The following SORL1 variants were observed in gnomAD, a reference collection of about 807,000 sequenced individuals.
SORL1 encodes sortilin related receptor 1.
Under a neutral mutation model 273.7 loss-of-function variants are expected in SORL1, and 127 were observed. That is an observed-to-expected ratio of 0.46 (90% CI 0.40 to 0.54). The LOEUF is 0.54. SORL1 is among the 20% of genes least tolerant of loss of function. The pLI is 0.00. For synonymous variants in SORL1, 1,031 were observed against 1,067.4 expected, an observed-to-expected ratio of 0.97 and a Z score of 0.66; for missense variants, 2,494 against 2,846.1, an observed-to-expected ratio of 0.88 and a Z score of 2.81.
chr11:121,586,693 T>TTG (rs1446429521), intron 27 of SORL1, among the ~76,000 whole-genome samples: 4 of 97,222 alleles, frequency 4.1e-5, no homozygotes, highest in South Asian at 9.6e-4. Flanking sequence ...GGGGGTAGAG[T>TTG]GGGGGGGGGG....
chr11:121,570,125 C>A, intron 22 of SORL1, 32 bp from the exon 23 acceptor site: 1 of 1,457,686 alleles, frequency 6.9e-7, no homozygotes, highest in Non-Finnish European at 9.6e-7. Flanking sequence ...ATATTGGTTT[C>A]ATTTCCTCCC....
chr11:121,528,593 A>G (rs562240593), intron 11 of SORL1, among the ~76,000 whole-genome samples: 2 of 152,362 alleles, frequency 1.3e-5, no homozygotes, highest in South Asian at 4.1e-4. Context: ...ATTTTCATCA[A>G]TCCATAAATA....
At chr11:121,551,721 T>C (rs1002550677) in intron 16 of SORL1, among the ~76,000 whole-genome samples, 17 of 152,216 alleles carry the variant, frequency 1.1e-4, no homozygotes, top group African/African-American at 2.9e-4. Flanking sequence ...CAGCCCTCTC[T>C]TTTGCTCACT....
rs567145492 is a variant in SORL1, at chr11:121,623,358, C to G, written c.6171+1090C>G. 4.6e-5 allele frequency among the ~76,000 whole-genome samples: 7 copies of G among 152,266 alleles called. No homozygotes were observed. The South Asian group carries it at 1.2e-3, about 27-fold the overall frequency. The stretch of plus-strand genomic sequence containing the variant: ...AATTGGTTCAAACTCAAGTAAGGTT[C>G]TTGGGTAATACCTATCAAAAACGTT... On this transcript the variant is annotated intron_variant, in intron 45 of 47. Transcript: ENST00000260197.
chr11:121,585,772 T>G (rs1272516563), intron 26 of SORL1, among the ~76,000 whole-genome samples: 2 of 152,224 alleles, frequency 1.3e-5, no homozygotes, highest in Non-Finnish European at 2.9e-5. Flanking sequence ...CCTTGTTTTT[T>G]TCACAGAACT....
At chr11:121,588,510 CT>C (rs1442587035) in intron 28 of SORL1, among the ~76,000 whole-genome samples, 5 of 152,176 alleles carry the variant, frequency 3.3e-5, no homozygotes, top group Admixed American at 3.3e-4. Flanking sequence ...GCCGTAGCCC[CT>C]TACCCTGCTT....
chr11:121,525,410 T>G (rs1251544263), intron 11 of SORL1, among the ~76,000 whole-genome samples: 5 of 152,258 alleles, frequency 3.3e-5, no homozygotes, highest in Non-Finnish European at 5.9e-5. Context: ...ATAGCTGTTA[T>G]GAACATTCAT....
chr11:121,461,279 C>T lies in SORL1; in HGVS notation c.285+8663C>T, dbSNP rs924641662. On this transcript the variant is annotated intron_variant, in intron 1 of 47. Coordinates refer to ENST00000260197, the MANE Select transcript of SORL1 (RefSeq NM_003105.6). ...TGGTGATGGGTGGGCTGGAGGGGGA[C>T]GGTTACTGCAGAAACAAGGCCTTCA... Among the ~76,000 whole-genome samples the T allele has an allele frequency of 1.1e-4, 16 of 151,636 alleles. 1 individual carries two copies. Among genetic ancestry groups the T allele is most frequent in the Non-Finnish European group, 1.8e-4 (12 of 67,952 alleles).
At chr11:121,533,379 C>G (rs147942807) in intron 12 of SORL1, among the ~76,000 whole-genome samples, 241 of 152,242 alleles carry the variant, frequency 1.6e-3, no homozygotes, top group African/African-American at 5.6e-3. Flanking sequence ...AGGATTAGCA[C>G]TTGGGTTTTT....
chr11:121,516,724 C>G (rs1861959380), intron 8 of SORL1, among the ~76,000 whole-genome samples: 1 of 152,056 alleles, frequency 6.6e-6, no homozygotes, highest in Non-Finnish European at 1.5e-5. Context: ...CGGACCCTAC[C>G]TCCTTCTGTT....
chr11:121,484,290 C>G (rs547243860), intron 3 of SORL1, among the ~76,000 whole-genome samples: 1 of 152,244 alleles, frequency 6.6e-6, no homozygotes, highest in African/African-American at 2.4e-5. Context: ...CATGAAGTTG[C>G]TCAATCAAAC....
chr11:121,516,527 C>T (rs1316698967), intron 8 of SORL1, among the ~76,000 whole-genome samples: 1 of 152,068 alleles, frequency 6.6e-6, no homozygotes, highest in Non-Finnish European at 1.5e-5. Context: ...ATCCATGTGC[C>T]CAGCCTTCTA....
chr11:121,625,311 G>A, intron 46 of SORL1, 34 bp downstream of exon 46: 1 of 1,540,612 alleles, frequency 6.5e-7, no homozygotes, highest in Non-Finnish European at 8.9e-7. Context: ...TCTGTCTTCA[G>A]TTCTAGGGAA....
intron 6 of SORL1, among the ~76,000 whole-genome samples, chr11:121,502,124 CTTTTTTT>C (rs57842880): frequency 1.2e-4 from 8 of 65,182 alleles, no homozygotes; most frequent in Admixed American, 5.3e-4. Flanking sequence ...TGTGACAATT[CTTTTTTT>C]TTTTTTTTTT....
chr11:121,536,410 G>A (rs1862267146), intron 12 of SORL1, among the ~76,000 whole-genome samples: 1 of 151,296 alleles, frequency 6.6e-6, no homozygotes, highest in African/African-American at 2.4e-5. Flanking sequence ...TAGAGAAGCA[G>A]GTGTTCTTAT....
chr11:121,608,738 G>A (rs961884337), intron 38 of SORL1: 2 of 153,092 alleles, frequency 1.3e-5, no homozygotes, highest in African/African-American at 4.8e-5. Context: ...AAAGGATAAG[G>A]AACTGGAATG....
At chr11:121,512,730 C>T (rs1385462293) in intron 6 of SORL1, among the ~76,000 whole-genome samples, 2 of 152,184 alleles carry the variant, frequency 1.3e-5, no homozygotes, top group Non-Finnish European at 2.9e-5. Context: ...CCAAAAACCT[C>T]CTCTAGTCCA....
At position 121,596,564 on chromosome 11, in the gene SORL1, T is replaced by C. The variant is rs1296108902; in HGVS notation, c.4519+792T>C. Among the ~76,000 whole-genome samples, 1 of 152,194 alleles carries C rather than the reference T, an allele frequency of 6.6e-6. No homozygotes were observed. Among genetic ancestry groups the C allele is most frequent in the Non-Finnish European group, 1.5e-5 (1 of 68,032 alleles). ...CCCACCGGCCTGCCTCTCTGACGGT[T>C]GGGTGCTGCTCTGGCTCGGGGATCC... On this transcript the variant is annotated intron_variant, in intron 32 of 47. Coordinates refer to ENST00000260197, the MANE Select transcript of SORL1 (RefSeq NM_003105.6). The surrounding 1 kb of genome is among the most constrained non-coding windows in gnomAD (Gnocchi z 4.3).
In SORL1 at chr11:121,559,411, C is replaced by G. The variant is rs947452641; in HGVS notation, c.2911-108C>G. 1.1e-5 allele frequency: 13 copies of G among 1,150,276 alleles called. No homozygotes were observed. In the African/African-American group the frequency reaches 2.0e-4, roughly 18 times the overall value. The allele number at this position is 1,150,276 out of a possible 1,614,324, so 71.3% of individuals were successfully genotyped here. A position where few individuals can be genotyped will look rare whatever the true frequency, so the allele number is the denominator to read the frequency against. On this transcript the variant is annotated intron_variant, in intron 20 of 47. Transcript: ENST00000260197. ...TAGAATCTTGATCAGGCTAGTCATT[C>G]AGCCAATAAATGTTAGTTGTCTCCT...
Sources: allele counts gnomAD v4.1 joint callset (sites outside exome capture counted in the v4.1 genomes callset), GRCh38; gene constraint gnomAD v4.1.1; non-coding constraint Gnocchi (gnomAD v3.1); transcripts MANE v1.5; gene names NCBI Gene and HGNC (gene_info 2026-07-23, HGNC 2026-07-21).